Variants in EPS15L1 observed in about 807,000 individuals in gnomAD.
EPS15L1 encodes epidermal growth factor receptor substrate 15-like 1.
In EPS15L1, 43 loss-of-function variants were observed where a neutral mutation model predicts 117.1. The observed-to-expected ratio is 0.37, with a 90% CI of 0.29 to 0.47. The LOEUF (loss-of-function observed/expected upper bound fraction) is 0.47, where lower values mean the gene tolerates loss of function less well. EPS15L1 is among the 20% of genes least tolerant of loss of function. The probability of loss-of-function intolerance (pLI) is 0.99; values close to 1 mark genes in which losing one functional copy is unlikely to be tolerated. For synonymous variants in EPS15L1, 459 were observed against 470.5 expected (o/e 0.98, Z 0.32); for missense variants, 981 against 1,164.0 (o/e 0.84, Z 2.29).
chr19:16,362,264 T>G (rs929815981), intron 22 of EPS15L1, among the ~76,000 whole-genome samples: 1 of 152,148 alleles, frequency 6.6e-6, no homozygotes, highest in African/African-American at 2.4e-5. Flanking sequence ...CTAGAATAGT[T>G]TGCATGCAGG....
At chr19:16,426,497 G>A (rs2092874053) in intron 8 of EPS15L1, among the ~76,000 whole-genome samples, 2 of 152,130 alleles carry the variant, frequency 1.3e-5, no homozygotes, top group Non-Finnish European at 2.9e-5. Context: ...AAATTAGCTG[G>A]CTGTGGTGGT....
At chr19:16,406,655 C>T (rs1252883448) in intron 13 of EPS15L1, among the ~76,000 whole-genome samples, 2 of 152,256 alleles carry the variant, frequency 1.3e-5, no homozygotes, top group East Asian at 3.9e-4. Flanking sequence ...ATCCAGGACA[C>T]TAGGGGCTCC....
At chr19:16,413,678 AC>A in intron 13 of EPS15L1, 94 bp downstream of exon 13, 3 of 1,035,286 alleles carry the variant, frequency 2.9e-6, no homozygotes, top group Non-Finnish European at 3.0e-6. Context: ...TCCAGGGCAG[AC>A]CCCTGCCCTT....
intron 1 of EPS15L1, among the ~76,000 whole-genome samples, chr19:16,444,177 A>C (rs1402857025): frequency 6.6e-6 from 1 of 151,880 alleles, no homozygotes; most frequent in Non-Finnish European, 1.5e-5. Flanking sequence ...AAGTCAAAAA[A>C]AAAAAAAAGA....
chr19:16,356,234 A>G (rs916559019), intron 23 of EPS15L1: 1 of 236,856 alleles, frequency 4.2e-6, no homozygotes, highest in Non-Finnish European at 8.3e-6. Flanking sequence ...ACAATTCTGC[A>G]CTCTGGGAAT....
chr19:16,417,530 G>T (rs1237802041), intron 12 of EPS15L1, 22 bp downstream of exon 12: 13 of 1,596,998 alleles, frequency 8.1e-6, no homozygotes, highest in Non-Finnish European at 1.0e-5. Flanking sequence ...GGATGTGGAG[G>T]GAAGGGCCGT....
Position 16,413,761 on chromosome 19 carries a change from C to A in EPS15L1, c.1266+12G>T, listed in dbSNP as rs757148309. 1 of 1,612,162 alleles carries A rather than the reference C, an allele frequency of 6.2e-7. No individual in the cohort carries two copies. The highest frequency in any genetic ancestry group is 1.3e-5 in the African/African-American group (1 of 75,004). On this transcript the variant is annotated intron_variant, in intron 13 of 23. Coordinates refer to ENST00000455140, the MANE Select transcript of EPS15L1 (RefSeq NM_001258374.3). ...ACAAAGTAGATGTAACCAAAACGAA[C>A]GAGACCCTTACCTGCACCTCGCTGG...
At chr19:16,377,335 C>T in intron 21 of EPS15L1, 81 bp from the exon 22 acceptor site, 1 of 1,534,994 alleles carries the variant, frequency 6.5e-7, no homozygotes, top group Non-Finnish European at 8.9e-7. Flanking sequence ...GACGCTCATG[C>T]TCCAAGGGCC....
chr19:16,368,746 C>T (rs780551594), intron 22 of EPS15L1, among the ~76,000 whole-genome samples: 1 of 152,050 alleles, frequency 6.6e-6, no homozygotes, highest in Admixed American at 6.5e-5. Flanking sequence ...ACAGGTGATC[C>T]CACAAAACCA....
intron 22 of EPS15L1, among the ~76,000 whole-genome samples, chr19:16,364,740 C>T (rs1364071931): frequency 6.6e-6 from 1 of 152,166 alleles, no homozygotes; most frequent in Non-Finnish European, 1.5e-5. Context: ...CCTGTGAGCC[C>T]CAGGCTGTCC....
intron 1 of EPS15L1, among the ~76,000 whole-genome samples, chr19:16,463,248 C>T (rs2093270836): frequency 6.6e-6 from 1 of 152,196 alleles, no homozygotes; most frequent in Non-Finnish European, 1.5e-5. Flanking sequence ...CCACCAGGCA[C>T]TCCCACTGCT....
At chr19:16,446,292 C>A (rs2093082529) in intron 1 of EPS15L1, among the ~76,000 whole-genome samples, 1 of 152,182 alleles carries the variant, frequency 6.6e-6, no homozygotes, top group South Asian at 2.1e-4. Context: ...CAACTCTGAT[C>A]CCCGCACGTG....
At position 16,355,515 on chromosome 19, in the gene EPS15L1, T is replaced by C; in HGVS notation, c.*190A>G. On this transcript the variant is annotated 3_prime_UTR_variant, in exon 24 of 24. Transcript: ENST00000455140. ...ACCTGCAGAAGTGGTGGCCAAGGCC[T>C]CTGTAAGGGCTTCCCCAGGAGATGT... 2.9e-6 allele frequency: 2 copies of C among 687,488 alleles called. No homozygotes were observed. Among genetic ancestry groups the C allele is most frequent in the Non-Finnish European group, 2.3e-6 (1 of 431,012 alleles). The allele number at this position is 687,488 out of a possible 1,614,324, so 42.6% of individuals were successfully genotyped here.
chr19:16,434,410 C>T lies in EPS15L1; in HGVS notation c.453G>A (p.Lys151=). The change falls in exon 7 of 24, where the codon AAG becomes AAA. Residue 151 remains lysine, a synonymous_variant. Coordinates refer to ENST00000455140, the MANE Select transcript of EPS15L1 (RefSeq NM_001258374.3). The stretch of plus-strand genomic sequence containing the variant: ...GCAGCTTTGAGTTCATGAGGACTGG[C>T]TTGACTTTGTCTCCAGAGAGCAAAC... ...INGLLSGDKV[K]PVLMNSKLPL... 5.0e-6 allele frequency: 8 copies of T among 1,614,206 alleles called. No homozygotes were observed. Among genetic ancestry groups the T allele is most frequent in the Non-Finnish European group, 6.8e-6 (8 of 1,180,038 alleles).
At position 16,410,381 on chromosome 19, in the gene EPS15L1, G is replaced by A. The variant is rs552857037; in HGVS notation, c.1266+3392C>T. Among the ~76,000 whole-genome samples the A allele has an allele frequency of 3.6e-4, 55 of 152,282 alleles. No homozygotes were observed. The South Asian group carries it at 3.9e-3, about 11-fold the overall frequency. ...GAAATGGGTAAGTGTTGGTGAGGCT[G>A]TGCAGAGCTGGCACCCTAGTACACT... On this transcript the variant is annotated intron_variant, in intron 13 of 23. Coordinates refer to ENST00000455140, the MANE Select transcript of EPS15L1 (RefSeq NM_001258374.3).
At chr19:16,388,684 G>A (rs1451995074) in intron 19 of EPS15L1, among the ~76,000 whole-genome samples, 1 of 152,044 alleles carries the variant, frequency 6.6e-6, no homozygotes, top group Non-Finnish European at 1.5e-5. Flanking sequence ...GAAATTAGCT[G>A]GGCATAGTGG....
At chr19:16,417,265 G>A (rs1206485981) in intron 12 of EPS15L1, among the ~76,000 whole-genome samples, 2 of 151,794 alleles carry the variant, frequency 1.3e-5, no homozygotes, top group Non-Finnish European at 2.9e-5. Flanking sequence ...CACAGGCTCT[G>A]CCCACGACCT....
intron 21 of EPS15L1, among the ~76,000 whole-genome samples, chr19:16,384,576 C>T (rs1304333686): frequency 2.0e-5 from 3 of 152,188 alleles, no homozygotes; most frequent in East Asian, 1.9e-4. Flanking sequence ...TTCAGGTCAC[C>T]GTGTGGTGAG....
intron 19 of EPS15L1, among the ~76,000 whole-genome samples, chr19:16,391,218 A>G (rs2092470898): frequency 6.6e-6 from 1 of 152,184 alleles, no homozygotes; most frequent in South Asian, 2.1e-4. Flanking sequence ...GAAATGGAAA[A>G]AAATAGAAAT....
Sources: allele counts gnomAD v4.1 joint callset (sites outside exome capture counted in the v4.1 genomes callset), GRCh38; gene constraint gnomAD v4.1.1; transcripts MANE v1.5; gene names NCBI Gene and HGNC (gene_info 2026-07-23, HGNC 2026-07-21).